UBE2W: variants seen among roughly 807,000 people sequenced by gnomAD.
UBE2W encodes the protein ubiquitin-conjugating enzyme E2 W.
UBE2W carries 18 observed loss-of-function variants against 27.2 expected under a neutral mutation model. The ratio of observed to expected loss-of-function variants is 0.66; its 90% CI spans 0.46 to 0.98. UBE2W has a LOEUF of 0.98. UBE2W is among the 50% of genes least tolerant of loss of function. The pLI, the probability that UBE2W is intolerant of heterozygous loss-of-function variation, is 0.00. For synonymous variants in UBE2W, 53 were observed against 57.2 expected (o/e 0.93, Z 0.33); for missense variants, 90 against 180.2 (o/e 0.50, Z 2.87).
chr8:73,868,534 C>A (rs932108113), intron 1 of UBE2W, among the ~76,000 whole-genome samples: 1 of 152,104 alleles, frequency 6.6e-6, no homozygotes, highest in Admixed American at 6.5e-5. Context: ...GTTGTGGGAA[C>A]CTCCAATTTG....
chr8:73,840,927 A>G (rs1007663120), intron 1 of UBE2W, among the ~76,000 whole-genome samples: 5 of 152,230 alleles, frequency 3.3e-5, no homozygotes, highest in Non-Finnish European at 7.3e-5. Context: ...GTAAAGTTTT[A>G]TCTCAACTTG....
At chr8:73,803,348 T>C (rs971123895) in intron 5 of UBE2W, among the ~76,000 whole-genome samples, 18 of 152,218 alleles carry the variant, frequency 1.2e-4, no homozygotes, top group African/African-American at 3.4e-4. Flanking sequence ...CTTCCCCTTA[T>C]CACTGATTTG....
intron 1 of UBE2W, chr8:73,831,163 A>G (rs569843395): frequency 3.3e-5 from 15 of 451,458 alleles, no homozygotes; most frequent in Non-Finnish European, 6.2e-5. Context: ...AGCAGCCACC[A>G]GAGCCTCAAG....
At chr8:73,855,577 G>T (rs1163262578) in intron 1 of UBE2W, among the ~76,000 whole-genome samples, 4 of 151,030 alleles carry the variant, frequency 2.6e-5, no homozygotes, top group Non-Finnish European at 4.4e-5. Context: ...AATTTTTTTT[G>T]TATTTTTTGG....
intron 2 of UBE2W, among the ~76,000 whole-genome samples, chr8:73,826,908 G>C (rs1246866334): frequency 6.6e-6 from 1 of 152,208 alleles, no homozygotes; most frequent in African/African-American, 2.4e-5. Context: ...TGCAAAAGCT[G>C]CATACAAAAC....
At chr8:73,813,518 C>A (rs867692444) in intron 3 of UBE2W, among the ~76,000 whole-genome samples, 6 of 152,154 alleles carry the variant, frequency 3.9e-5, no homozygotes, top group African/African-American at 1.4e-4. Context: ...AGGGCAAATG[C>A]AGCCACCCTA....
intron 4 of UBE2W, among the ~76,000 whole-genome samples, chr8:73,808,579 C>T (rs940842424): frequency 1.3e-5 from 2 of 152,192 alleles, no homozygotes; most frequent in African/African-American, 4.8e-5. Context: ...TCTCTAATGC[C>T]AGATCGTCTC....
At chr8:73,858,683 TAAAA>T (rs34554998) in intron 1 of UBE2W, among the ~76,000 whole-genome samples, 14,207 of 134,292 alleles carry the variant, frequency 0.11, 2,269 homozygotes, top group African/African-American at 0.34. Context: ...GAAAAAGTGC[TAAAA>T]AAAAAAAAAA....
Position 73,794,071 on chromosome 8 carries a change from A to G in UBE2W, c.*31T>C. 4.3e-6 allele frequency: 7 copies of G among 1,613,152 alleles called. No homozygotes were observed. The highest frequency in any genetic ancestry group is 5.9e-6 in the Non-Finnish European group (7 of 1,179,534). On this transcript the variant is annotated 3_prime_UTR_variant, in exon 6 of 6. Transcript: ENST00000602593. ...AAGTGCTCATTTTCTCAGTAGGACT[A>G]TCTTCTGCTAGGAGGATGATAACAG...
chr8:73,793,933 C>T lies in UBE2W; in HGVS notation c.*169G>A, dbSNP rs1471511620. ...ATGTCAGTTGCCTGGACTGAACCAGCGATCAACATGCGCCCAGAATGCACA... is the reference window on the plus strand; with the variant it reads ...ATGTCAGTTGCCTGGACTGAACCAGTGATCAACATGCGCCCAGAATGCACA... On this transcript the variant is annotated 3_prime_UTR_variant, in exon 6 of 6. Coordinates refer to ENST00000602593, the MANE Select transcript of UBE2W (RefSeq NM_018299.6). 38 of 1,443,112 alleles carry T rather than the reference C, an allele frequency of 2.6e-5. No homozygotes were observed. The Admixed American group carries it at 2.9e-4, about 11-fold the overall frequency. The allele number at this position is 1,443,112 out of a possible 1,614,324, so 89.4% of individuals were successfully genotyped here.
chr8:73,813,298 C>A (rs557030091), intron 3 of UBE2W, among the ~76,000 whole-genome samples: 71 of 151,900 alleles, frequency 4.7e-4, no homozygotes, highest in Admixed American at 1.9e-3. Context: ...AGGCATGAAC[C>A]AAAAGGTACT....
chr8:73,833,573 C>T (rs1810182555), intron 1 of UBE2W, among the ~76,000 whole-genome samples: 4 of 152,092 alleles, frequency 2.6e-5, no homozygotes, highest in Admixed American at 2.6e-4. Context: ...ATTTTGCACG[C>T]TTATTTGTAC....
At chr8:73,830,076 T>C (rs1810009545) in intron 2 of UBE2W, among the ~76,000 whole-genome samples, 1 of 151,340 alleles carries the variant, frequency 6.6e-6, no homozygotes, top group Non-Finnish European at 1.5e-5. Flanking sequence ...CACCAAACAG[T>C]TCTTTAATAT....
intron 1 of UBE2W, among the ~76,000 whole-genome samples, chr8:73,859,093 A>G (rs1235799093): frequency 1.3e-5 from 2 of 151,958 alleles, no homozygotes; most frequent in African/African-American, 2.4e-5. Flanking sequence ...GACCCTCAAC[A>G]ACACAGGTTT....
Position 73,791,558 on chromosome 8 carries a change from A to G in UBE2W, c.*2544T>C. 3.0e-6 allele frequency: 3 copies of G among 985,204 alleles called. No homozygotes were observed. Among genetic ancestry groups the G allele is most frequent in the Non-Finnish European group, 3.6e-6 (3 of 829,754 alleles). The allele number at this position is 985,204 out of a possible 1,614,324, so 61.0% of individuals were successfully genotyped here. A position where few individuals can be genotyped will look rare whatever the true frequency, so the allele number is the denominator to read the frequency against. On this transcript the variant is annotated 3_prime_UTR_variant, in exon 6 of 6. Coordinates refer to ENST00000602593, the MANE Select transcript of UBE2W (RefSeq NM_018299.6). ...GTTGTCTTTCAACAATGCATTACAG[A>G]GAAATATTCTTTTTATTATTACAAG...
Position 73,788,175 on chromosome 8 carries a change from CAAAGT to C in UBE2W, c.*5922_*5926del, listed in dbSNP as rs1282604713. The C allele has an allele frequency of 2.6e-5, 25 of 971,424 alleles. No individual in the cohort carries two copies. Among genetic ancestry groups the C allele is most frequent in the Non-Finnish European group, 2.9e-5 (24 of 817,550 alleles). The allele number at this position is 971,424 out of a possible 1,614,324, so 60.2% of individuals were successfully genotyped here. Reference sequence around the variant, plus strand: ...TTAAAAGTTATGAAATTCCATAAAGCAAAGTAATCTGCATTCAACTAACAAGTCTG... The same window carrying C: ...TTAAAAGTTATGAAATTCCATAAAGCAATCTGCATTCAACTAACAAGTCTG... On this transcript the variant is annotated 3_prime_UTR_variant, in exon 6 of 6. Coordinates refer to ENST00000602593, the MANE Select transcript of UBE2W (RefSeq NM_018299.6).
chr8:73,817,871 G>A (rs551909335), intron 3 of UBE2W, among the ~76,000 whole-genome samples: 71 of 152,220 alleles, frequency 4.7e-4, no homozygotes, highest in African/African-American at 1.4e-3. Context: ...TGATAGAAAC[G>A]TCAAACTTCT....
At chr8:73,836,832 T>C (rs1415473243) in intron 1 of UBE2W, among the ~76,000 whole-genome samples, 1 of 152,238 alleles carries the variant, frequency 6.6e-6, no homozygotes, top group Non-Finnish European at 1.5e-5. Context: ...ACTGGCCTGC[T>C]TTCCCAAGTG....
intron 3 of UBE2W, 43 bp downstream of exon 3, chr8:73,825,104 T>C (rs1809782703): frequency 8.2e-7 from 1 of 1,225,466 alleles, no homozygotes; most frequent in Non-Finnish European, 1.2e-6. Flanking sequence ...GGCATTTAGC[T>C]ATCTAAAAAT....
Sources: allele counts gnomAD v4.1 joint callset (sites outside exome capture counted in the v4.1 genomes callset), GRCh38; gene constraint gnomAD v4.1.1; transcripts MANE v1.5; gene names NCBI Gene and HGNC (gene_info 2026-07-23, HGNC 2026-07-21).